Variants in GLIS1 observed in about 807,000 individuals in gnomAD.
The protein encoded by GLIS1 is GLIS family zinc finger 1, also known as zinc finger protein GLIS1.
In GLIS1, 24 loss-of-function variants were observed where a neutral mutation model predicts 63.8. The ratio of observed to expected loss-of-function variants is 0.38; its 90% confidence interval spans 0.27 to 0.53. GLIS1 has a LOEUF of 0.53. Among genes scored for constraint, GLIS1 ranks in the 20% least tolerant of loss-of-function variants. GLIS1 has a pLI of 0.85. For missense variants in GLIS1, 1,036 were observed against 1,074.1 expected (o/e 0.96, Z 0.50); for synonymous variants, 450 against 482.5 (o/e 0.93, Z 0.88).
At chr1:53,634,227 A>G (rs539114592) in intron 2 of GLIS1, among the ~76,000 whole-genome samples, 3 of 152,320 alleles carry the variant, frequency 2.0e-5, no homozygotes, top group Non-Finnish European at 4.4e-5. Flanking sequence ...AGTGTCTACC[A>G]GCAGATCTGC....
At chr1:53,664,567 T>C (rs1646067373) in intron 2 of GLIS1, among the ~76,000 whole-genome samples, 1 of 152,252 alleles carries the variant, frequency 6.6e-6, no homozygotes, top group Non-Finnish European at 1.5e-5. Flanking sequence ...CAGCTTCTAC[T>C]ATGTGCCAGG....
At chr1:53,640,514 C>T (rs976398938) in intron 2 of GLIS1, among the ~76,000 whole-genome samples, 3 of 152,134 alleles carry the variant, frequency 2.0e-5, no homozygotes, top group Admixed American at 6.5e-5. Flanking sequence ...CCCAGCACCC[C>T]GCTCTCCTGT....
At chr1:53,564,228 C>T (rs1644916443) in intron 4 of GLIS1, among the ~76,000 whole-genome samples, 1 of 152,032 alleles carries the variant, frequency 6.6e-6, no homozygotes, top group African/African-American at 2.4e-5. Flanking sequence ...GAGGCAGTGC[C>T]CTAAGGTTCT....
chr1:53,659,952 T>C (rs1442583674), intron 2 of GLIS1, among the ~76,000 whole-genome samples: 1 of 152,208 alleles, frequency 6.6e-6, no homozygotes, highest in East Asian at 1.9e-4. Flanking sequence ...GCCCCTGCCC[T>C]GCTCCCTCCT....
chr1:53,684,029 G>C (rs1055754768), intron 2 of GLIS1, among the ~76,000 whole-genome samples: 1 of 152,186 alleles, frequency 6.6e-6, no homozygotes, highest in African/African-American at 2.4e-5. Flanking sequence ...TATGGGGCTG[G>C]AGTAGAGATG....
In GLIS1 at chr1:53,681,551, G is replaced by A. The variant is rs573112880; in HGVS notation, c.259+56255C>T. On this transcript the variant is annotated intron_variant, in intron 2 of 10. Coordinates refer to ENST00000628545, the MANE Select transcript of GLIS1 (RefSeq NM_001367484.1). ...ATGCCACCAGGCTGGACAGTCACAG[G>A]CAGCCAAGAAAGAGAGCATTCATAT... is the stretch of plus-strand genomic sequence containing the variant. Among the ~76,000 whole-genome samples the A allele has an allele frequency of 9.2e-5, 14 of 152,368 alleles. 1 individual carries two copies. In the South Asian group the frequency reaches 1.5e-3, roughly 16 times the overall value.
chr1:53,709,437 C>CATATATATATACATATATACATATATAT (rs1646622808), intron 2 of GLIS1, among the ~76,000 whole-genome samples: 1 of 62,296 alleles, frequency 1.6e-5, no homozygotes, highest in African/African-American at 3.9e-5. Flanking sequence ...CACACACACA[C>CATATATATATACATATATACATATATAT]ACACACTTGT....
intron 2 of GLIS1, among the ~76,000 whole-genome samples, chr1:53,664,062 A>G (rs973063997): frequency 6.6e-6 from 1 of 151,982 alleles, no homozygotes; most frequent in African/African-American, 2.4e-5. Flanking sequence ...CCCAGAACCC[A>G]CTCTGCAGGG....
chr1:53,679,938 C>T (rs1646256992), intron 2 of GLIS1, among the ~76,000 whole-genome samples: 1 of 152,196 alleles, frequency 6.6e-6, no homozygotes, highest in Non-Finnish European at 1.5e-5. Context: ...AAAGGCCACC[C>T]CATGTTCCTG....
At chr1:53,590,118 C>T (rs1645173838) in intron 4 of GLIS1, among the ~76,000 whole-genome samples, 1 of 152,220 alleles carries the variant, frequency 6.6e-6, no homozygotes, top group African/African-American at 2.4e-5. Flanking sequence ...CACCTGAGAT[C>T]AATGCTGGAG....
intron 2 of GLIS1, among the ~76,000 whole-genome samples, chr1:53,614,485 G>C (rs531287818): frequency 6.6e-6 from 1 of 152,286 alleles, no homozygotes; most frequent in African/African-American, 2.4e-5. Context: ...GAGGCAGGCA[G>C]TGAGGCCACA....
chr1:53,515,111 G>GTGTGTGTGTGTGTGTGTGTGTT (rs1332931225), intron 7 of GLIS1, among the ~76,000 whole-genome samples: 1 of 149,650 alleles, frequency 6.7e-6, no homozygotes, highest in African/African-American at 2.5e-5. Flanking sequence ...GTGTGTGTGT[G>GTGTGTGTGTGTGTGTGTGTGTT]TGTGTGTGTT....
chr1:53,683,587 A>C (rs544117703), intron 2 of GLIS1, among the ~76,000 whole-genome samples: 13 of 152,314 alleles, frequency 8.5e-5, no homozygotes, highest in Non-Finnish European at 1.5e-5. Flanking sequence ...TGTGTCTGGC[A>C]CACAGCATGC....
chr1:53,600,926 A>G (rs17382220), intron 2 of GLIS1, among the ~76,000 whole-genome samples: 1 of 152,166 alleles, frequency 6.6e-6, no homozygotes, highest in Non-Finnish European at 1.5e-5. Flanking sequence ...GTTTCTAGGA[A>G]GATTAGCTGA....
intron 4 of GLIS1, among the ~76,000 whole-genome samples, chr1:53,551,806 C>A (rs562998788): frequency 6.6e-6 from 1 of 152,258 alleles, no homozygotes; most frequent in Admixed American, 6.5e-5. Flanking sequence ...ACCGCCTTCC[C>A]TGGATGTACC....
rs1330796809 is a variant in GLIS1, at chr1:53,511,586, T to A, written c.1884-1559A>T. 1.3e-5 allele frequency among the ~76,000 whole-genome samples: 2 copies of A among 152,168 alleles called. No individual in the cohort carries two copies. The highest frequency in any genetic ancestry group is 2.9e-5 in the Non-Finnish European group (2 of 68,008). ...GCCACTGATACACTGTGGGTCCCTG[T>A]CACTGTTTTAAGTTCATGAGACGAA... On this transcript the variant is annotated intron_variant, in intron 8 of 10. Coordinates refer to ENST00000628545, the MANE Select transcript of GLIS1 (RefSeq NM_001367484.1). This position sits in a 1 kb window ranked among gnomAD's most constrained non-coding sequence, Gnocchi z 4.2.
At chr1:53,514,297 T>C (rs983491600) in intron 8 of GLIS1, among the ~76,000 whole-genome samples, 1 of 152,072 alleles carries the variant, frequency 6.6e-6, no homozygotes, top group Non-Finnish European at 1.5e-5. Flanking sequence ...CGAGGAGGCC[T>C]GGGTTCCATT....
chr1:53,645,085 G>A (rs573351994), intron 2 of GLIS1, among the ~76,000 whole-genome samples: 5 of 152,282 alleles, frequency 3.3e-5, no homozygotes, highest in Admixed American at 6.5e-5. Flanking sequence ...CAGCCACACC[G>A]GCCTCCTGGC....
intron 2 of GLIS1, among the ~76,000 whole-genome samples, chr1:53,602,324 T>C (rs1645327217): frequency 6.6e-6 from 1 of 152,184 alleles, no homozygotes; most frequent in Admixed American, 6.5e-5. Context: ...TGCAATTTTA[T>C]TGTCCCATTG....
Sources: gnomAD v4.1 joint callset for allele counts (sites outside exome capture counted in the v4.1 genomes callset) on GRCh38, gnomAD v4.1.1 for gene constraint, Gnocchi (gnomAD v3.1) non-coding constraint, MANE v1.5 for transcripts, NCBI Gene and HGNC (gene_info 2026-07-23, HGNC 2026-07-21) for gene names.